The following AUTS2 variants were observed in gnomAD, a reference collection of about 807,000 sequenced individuals.
AUTS2 encodes activator of transcription and developmental regulator AUTS2, also known as autism susceptibility gene 2 protein.
Under a neutral mutation model 112.4 loss-of-function variants are expected in AUTS2, and 17 were observed. That is an observed-to-expected ratio of 0.15 (90% CI 0.10 to 0.23). The LOEUF (loss-of-function observed/expected upper bound fraction) is 0.23, where lower values mean the gene tolerates loss of function less well. Ranked by LOEUF, AUTS2 falls within the 10% of genes least tolerant of loss-of-function variation. AUTS2 has a pLI of 1.00. For synonymous variants in AUTS2, 751 were observed against 702.7 expected, an observed-to-expected ratio of 1.07 and a Z score of -1.09; for missense variants, 1,510 against 1,701.6, an observed-to-expected ratio of 0.89 and a Z score of 1.98.
chr7:70,077,861 T>C (rs543682782), intron 2 of AUTS2, among the ~76,000 whole-genome samples: 3 of 152,276 alleles, frequency 2.0e-5, no homozygotes, highest in East Asian at 3.9e-4. Context: ...TAAATTAAAC[T>C]CCAGACCCTG....
At chr7:69,853,805 C>T (rs187399586) in intron 1 of AUTS2, among the ~76,000 whole-genome samples, 36 of 152,166 alleles carry the variant, frequency 2.4e-4, no homozygotes, top group Non-Finnish European at 3.8e-4. Context: ...TCTGTTCCAT[C>T]TTTCTGGAAC....
At position 70,790,839 on chromosome 7, in the gene AUTS2, TCAA is replaced by T. The variant is rs762150477; in HGVS notation, c.3627_3629del (p.Asn1209del). On this transcript the variant is annotated inframe_deletion, in exon 19 of 19. Coordinates refer to ENST00000342771, the MANE Select transcript of AUTS2 (RefSeq NM_015570.4). The surrounding 1 kb of genome is among the most constrained non-coding windows in gnomAD (Gnocchi z 7.6). ...ACCGCGGGCAACCAGAACGGACTCC[TCAA>T]CAAGACCCCTCCGACAGCAGCGCTG... 5 of 1,606,142 alleles carry T rather than the reference TCAA, an allele frequency of 3.1e-6. No individual in the cohort carries two copies. In the African/African-American group the frequency reaches 5.4e-5, roughly 17 times the overall value.
chr7:69,965,588 T>G (rs964885657), intron 2 of AUTS2, among the ~76,000 whole-genome samples: 1 of 152,002 alleles, frequency 6.6e-6, no homozygotes, highest in African/African-American at 2.4e-5. Context: ...TCAGTGCCAA[T>G]CTAAAGGACG....
intron 1 of AUTS2, among the ~76,000 whole-genome samples, chr7:69,726,222 A>G (rs1786506219): frequency 6.6e-6 from 1 of 152,138 alleles, no homozygotes; most frequent in African/African-American, 2.4e-5. Flanking sequence ...TCCCATATGT[A>G]ACCACTGTTC....
At chr7:69,786,362 CTG>C (rs1789377005) in intron 1 of AUTS2, among the ~76,000 whole-genome samples, 1 of 152,176 alleles carries the variant, frequency 6.6e-6, no homozygotes, top group Non-Finnish European at 1.5e-5. Flanking sequence ...AGTCAGCGCT[CTG>C]TGTCTAGCTA....
chr7:70,125,551 G>A (rs1805925926), intron 3 of AUTS2, among the ~76,000 whole-genome samples: 1 of 152,134 alleles, frequency 6.6e-6, no homozygotes, highest in African/African-American at 2.4e-5. Context: ...AGAAACTAGA[G>A]GGGAACCTTC....
chr7:69,657,261 A>C (rs540119032), intron 1 of AUTS2, among the ~76,000 whole-genome samples: 1 of 152,342 alleles, frequency 6.6e-6, no homozygotes, highest in South Asian at 2.1e-4. Context: ...TGCTGATTAG[A>C]GGTGACCCTC....
intron 2 of AUTS2, among the ~76,000 whole-genome samples, chr7:69,950,796 A>G (rs1796994603): frequency 6.6e-6 from 1 of 152,284 alleles, no homozygotes; most frequent in African/African-American, 2.4e-5. Flanking sequence ...TGCCGTTGCA[A>G]TAAGTACTAC....
chr7:69,931,587 C>T (rs566098209), intron 2 of AUTS2, among the ~76,000 whole-genome samples: 7 of 152,258 alleles, frequency 4.6e-5, no homozygotes, highest in Middle Eastern at 6.8e-3. Flanking sequence ...TATTGGATCT[C>T]CGTTTGTGCC....
intron 4 of AUTS2, among the ~76,000 whole-genome samples, chr7:70,220,212 TTTTA>T (rs1210554733): frequency 1.3e-5 from 2 of 152,240 alleles, no homozygotes; most frequent in Non-Finnish European, 2.9e-5. Context: ...TTTATGTAAT[TTTTA>T]TTTGTCACAA....
chr7:70,018,815 A>T (rs116278069), intron 2 of AUTS2, among the ~76,000 whole-genome samples: 3,126 of 152,310 alleles, frequency 0.021, 125 homozygotes, highest in African/African-American at 0.071. Flanking sequence ...TGTTGGTAGG[A>T]ATGTAAATTA....
At chr7:70,337,183 C>T (rs2129620152) in intron 4 of AUTS2, among the ~76,000 whole-genome samples, 1 of 152,332 alleles carries the variant, frequency 6.6e-6, no homozygotes, top group Middle Eastern at 3.4e-3. Flanking sequence ...ATCAGATTCG[C>T]TTATGCTGCT....
At chr7:70,475,645 T>C (rs1376113966) in intron 5 of AUTS2, among the ~76,000 whole-genome samples, 1 of 152,214 alleles carries the variant, frequency 6.6e-6, no homozygotes, top group African/African-American at 2.4e-5. Context: ...AAGAAATCTG[T>C]GTGCTGAGTG....
chr7:70,385,687 G>T (rs1264565543), intron 4 of AUTS2, among the ~76,000 whole-genome samples: 1 of 152,202 alleles, frequency 6.6e-6, no homozygotes, highest in African/African-American at 2.4e-5. Flanking sequence ...AGTGAGCAAT[G>T]CTGGCACCAC....
At chr7:70,189,372 G>T (rs1809766281) in intron 4 of AUTS2, among the ~76,000 whole-genome samples, 2 of 152,206 alleles carry the variant, frequency 1.3e-5, no homozygotes, top group South Asian at 4.1e-4. Flanking sequence ...CCAGGCAATA[G>T]TTTGATTGCT....
At chr7:70,384,763 C>T (rs755951699) in intron 4 of AUTS2, among the ~76,000 whole-genome samples, 1 of 152,188 alleles carries the variant, frequency 6.6e-6, no homozygotes, top group Non-Finnish European at 1.5e-5. Flanking sequence ...GTTTGTTTGG[C>T]GTTGGGTAGT....
intron 5 of AUTS2, among the ~76,000 whole-genome samples, chr7:70,696,639 G>T (rs565933272): frequency 6.6e-6 from 1 of 151,870 alleles, no homozygotes; most frequent in South Asian, 2.1e-4. Context: ...GAAGCAAAAG[G>T]CCTGTTCACC....
chr7:69,988,422 G>A (rs2129551129), intron 2 of AUTS2, among the ~76,000 whole-genome samples: 1 of 152,288 alleles, frequency 6.6e-6, no homozygotes, highest in South Asian at 2.1e-4. Context: ...AAGTGAGATG[G>A]CAAGCATTTC....
intron 2 of AUTS2, among the ~76,000 whole-genome samples, chr7:70,073,731 G>A (rs903670300): frequency 1.3e-5 from 2 of 152,242 alleles, no homozygotes; most frequent in South Asian, 2.1e-4. Context: ...AAAAATATGA[G>A]TTGTGTAAAG....
Sources: gnomAD v4.1 joint callset for allele counts (sites outside exome capture counted in the v4.1 genomes callset) on GRCh38, gnomAD v4.1.1 for gene constraint, Gnocchi (gnomAD v3.1) non-coding constraint, MANE v1.5 for transcripts, NCBI Gene and HGNC (gene_info 2026-07-23, HGNC 2026-07-21) for gene names.